Variants in SMARCA2 observed in about 807,000 individuals in gnomAD.
The protein encoded by SMARCA2 is SWI/SNF-related matrix-associated actin-dependent regulator of chromatin subfamily A member 2.
SMARCA2 carries 61 observed loss-of-function variants against 199.8 expected under a neutral mutation model. That is an observed-to-expected ratio of 0.31 (90% CI 0.25 to 0.38). The LOEUF is 0.38. Among genes scored for constraint, SMARCA2 ranks in the 10% least tolerant of loss-of-function variants. SMARCA2 has a pLI of 1.00. For synonymous variants in SMARCA2, 935 were observed against 732.0 expected, an observed-to-expected ratio of 1.28 and a Z score of -4.48; for missense variants, 1,344 against 2,012.2, an observed-to-expected ratio of 0.67 and a Z score of 6.35.
chr9:2,077,306 C>G (rs921819957), intron 13 of SMARCA2, among the ~76,000 whole-genome samples: 17 of 152,154 alleles, frequency 1.1e-4, no homozygotes, highest in Non-Finnish European at 2.4e-4. Flanking sequence ...AGGGTTCAGG[C>G]TCCTATCTGT....
chr9:2,167,034 C>T lies in SMARCA2; in HGVS notation c.4200-3385C>T, dbSNP rs566559861. Among the ~76,000 whole-genome samples, 7 of 152,180 alleles carry T rather than the reference C, an allele frequency of 4.6e-5. No homozygotes were observed. In the South Asian group the frequency reaches 1.0e-3, roughly 23 times the overall value. The stretch of plus-strand genomic sequence containing the variant: ...TGAATAATTTCTTCTAAATTTTTAC[C>T]AAGGGTCAACATGAAGTGTAACAGT... On this transcript the variant is annotated intron_variant, in intron 28 of 33. Coordinates refer to ENST00000349721, the MANE Select transcript of SMARCA2 (RefSeq NM_003070.5).
chr9:2,058,790 G>A (rs183469927), intron 8 of SMARCA2, among the ~76,000 whole-genome samples: 1 of 152,240 alleles, frequency 6.6e-6, no homozygotes, highest in Non-Finnish European at 1.5e-5. Flanking sequence ...GATGGCAAAT[G>A]CAGTTCTTTT....
At chr9:2,143,899 C>G (rs1455109133) in intron 27 of SMARCA2, among the ~76,000 whole-genome samples, 1 of 152,196 alleles carries the variant, frequency 6.6e-6, no homozygotes, top group African/African-American at 2.4e-5. Context: ...GAACTTCCCC[C>G]TTTCCCCTCT....
intron 32 of SMARCA2, among the ~76,000 whole-genome samples, chr9:2,190,967 T>C (rs1157968293): frequency 6.6e-6 from 1 of 152,218 alleles, no homozygotes; most frequent in Non-Finnish European, 1.5e-5. Context: ...CCCCTCATTA[T>C]CCTTGGTCAG....
At chr9:2,033,972 C>T (rs1203514685) in intron 3 of SMARCA2, among the ~76,000 whole-genome samples, 1 of 152,140 alleles carries the variant, frequency 6.6e-6, no homozygotes, top group Non-Finnish European at 1.5e-5. Flanking sequence ...TCAGGCCGGG[C>T]CTGGTGGCTG....
chr9:2,040,162 T>A, intron 4 of SMARCA2: 1 of 710,004 alleles, frequency 1.4e-6, no homozygotes, highest in Non-Finnish European at 2.3e-6. Flanking sequence ...GATTTTGCGT[T>A]CTCTTTGAAG....
In SMARCA2 at chr9:2,086,169, G is replaced by A. The variant is rs1322317023; in HGVS notation, c.2527-660G>A. On this transcript the variant is annotated intron_variant, in intron 17 of 33. Transcript: ENST00000349721. This position sits in a 1 kb window ranked among gnomAD's most constrained non-coding sequence, Gnocchi z 4.3. Reference sequence around the variant, plus strand: ...CCTAGATCTGGCAGGTAAGGAATGTGCGTGTATTGAGGGAGCTTCGTTGTC... The same window carrying A: ...CCTAGATCTGGCAGGTAAGGAATGTACGTGTATTGAGGGAGCTTCGTTGTC... 1 of 152,778 alleles carries A rather than the reference G, an allele frequency of 6.5e-6. No homozygotes were observed. The highest frequency in any genetic ancestry group is 2.4e-5 in the African/African-American group (1 of 41,454). 9.5% of individuals were successfully genotyped at this position (152,778 alleles called of 1,614,324 possible). A position where few individuals can be genotyped will look rare whatever the true frequency, so the allele number is the denominator to read the frequency against.
intron 27 of SMARCA2, among the ~76,000 whole-genome samples, chr9:2,142,577 A>T (rs528640762): frequency 6.6e-6 from 1 of 152,300 alleles, no homozygotes; most frequent in African/African-American, 2.4e-5. Context: ...GTCCAAACCA[A>T]TGGCCTCCTA....
intron 27 of SMARCA2, among the ~76,000 whole-genome samples, chr9:2,138,483 A>G (rs1824313243): frequency 6.6e-6 from 1 of 152,204 alleles, no homozygotes; most frequent in African/African-American, 2.4e-5. Flanking sequence ...TTTGAAGAAT[A>G]TCTTTCCCTT....
chr9:2,175,808 T>A (rs951322731), intron 29 of SMARCA2, among the ~76,000 whole-genome samples: 11 of 152,220 alleles, frequency 7.2e-5, no homozygotes, highest in African/African-American at 2.2e-4. Context: ...ATGCCTTTTT[T>A]AAATCCTTGT....
chr9:2,064,049 C>G (rs1820718551), intron 9 of SMARCA2, among the ~76,000 whole-genome samples: 1 of 152,146 alleles, frequency 6.6e-6, no homozygotes, highest in African/African-American at 2.4e-5. Flanking sequence ...TTATACGAAA[C>G]TAATTTCTTT....
In SMARCA2 at chr9:2,119,454, C is replaced by T. The variant is rs929651871; in HGVS notation, c.3685-4C>T. 9 of 1,607,602 alleles carry T rather than the reference C, an allele frequency of 5.6e-6. No homozygotes were observed. In the South Asian group the frequency reaches 6.6e-5, roughly 12 times the overall value. ...GGTTAAAATCACTCTGTTTTTAACC[C>T]CAGGAAGAAGATGAAGTACCGGACG... On this transcript the variant is annotated splice_region_variant and splice_polypyrimidine_tract_variant and intron_variant, in intron 25 of 33. Coordinates refer to ENST00000349721, the MANE Select transcript of SMARCA2 (RefSeq NM_003070.5). This position sits in a 1 kb window ranked among gnomAD's most constrained non-coding sequence, Gnocchi z 4.6.
chr9:2,032,072 ACT>A (rs1466964482), intron 2 of SMARCA2, among the ~76,000 whole-genome samples: 1 of 151,998 alleles, frequency 6.6e-6, no homozygotes, highest in Non-Finnish European at 1.5e-5. Context: ...CATACTTTTG[ACT>A]CTGCAGAAAT....
At chr9:2,181,372 T>C in intron 29 of SMARCA2, 199 bp from the exon 30 acceptor site, 1 of 467,664 alleles carries the variant, frequency 2.1e-6, no homozygotes, top group Non-Finnish European at 3.8e-6. Context: ...GACCAAATTG[T>C]ATTTTACTGT....
intron 3 of SMARCA2, among the ~76,000 whole-genome samples, chr9:2,036,749 G>C (rs941354869): frequency 2.6e-5 from 4 of 152,042 alleles, no homozygotes; most frequent in Non-Finnish European, 5.9e-5. Flanking sequence ...TCAAATTTGA[G>C]GTAGGAATTT....
At position 2,104,623 on chromosome 9, in the gene SMARCA2, C is replaced by A. The variant is rs1184229014; in HGVS notation, c.3292+454C>A. Among the ~76,000 whole-genome samples the A allele has an allele frequency of 6.6e-6, 1 of 152,184 alleles. No homozygotes were observed. Among genetic ancestry groups the A allele is most frequent in the Non-Finnish European group, 1.5e-5 (1 of 68,016 alleles). On this transcript the variant is annotated intron_variant, in intron 23 of 33. Coordinates refer to ENST00000349721, the MANE Select transcript of SMARCA2 (RefSeq NM_003070.5). This position sits in a 1 kb window ranked among gnomAD's most constrained non-coding sequence, Gnocchi z 4.0. Reference sequence around the variant, plus strand: ...TTATATTTATCATTAAAGCCCCTCTCTTCCTAAATAAGACGTATCCACATG... The same window carrying A: ...TTATATTTATCATTAAAGCCCCTCTATTCCTAAATAAGACGTATCCACATG...
At chr9:2,178,585 G>A (rs1016328206) in intron 29 of SMARCA2, among the ~76,000 whole-genome samples, 21 of 151,916 alleles carry the variant, frequency 1.4e-4, no homozygotes, top group African/African-American at 5.1e-4. Context: ...TCTGGCCGGG[G>A]GCAGGGTGGT....
rs544251570 is a variant in SMARCA2, at chr9:2,170,792, G to A, written c.4253+320G>A. Reference sequence around the variant, plus strand: ...CTGTTGCTTCCCCCTCCCTTCCAGCGCAGCTTCTGTTGTGTGTTCCTTGGG... The same window carrying A: ...CTGTTGCTTCCCCCTCCCTTCCAGCACAGCTTCTGTTGTGTGTTCCTTGGG... On this transcript the variant is annotated intron_variant, in intron 29 of 33. Transcript: ENST00000349721. The surrounding 1 kb of genome is among the most constrained non-coding windows in gnomAD (Gnocchi z 4.7). Among the ~76,000 whole-genome samples the A allele has an allele frequency of 1.2e-4, 19 of 152,268 alleles. No homozygotes were observed. The highest frequency in any genetic ancestry group is 8.3e-4 in the South Asian group (4 of 4,818).
intron 3 of SMARCA2, among the ~76,000 whole-genome samples, chr9:2,034,242 C>CAA (rs759792374): frequency 4.2e-3 from 266 of 63,108 alleles, no homozygotes; most frequent in Middle Eastern, 0.02. Flanking sequence ...GACTGCGTCT[C>CAA]AAAAAAAAAA....
Sources: gnomAD v4.1 joint callset for allele counts (sites outside exome capture counted in the v4.1 genomes callset) on GRCh38, gnomAD v4.1.1 for gene constraint, Gnocchi (gnomAD v3.1) non-coding constraint, MANE v1.5 for transcripts, NCBI Gene and HGNC (gene_info 2026-07-23, HGNC 2026-07-21) for gene names.